Variants in NAALADL2 observed in about 807,000 individuals in gnomAD.
NAALADL2 encodes the protein inactive N-acetylated-alpha-linked acidic dipeptidase-like protein 2.
NAALADL2 carries 76 observed loss-of-function variants against 87.2 expected under a neutral mutation model. The observed-to-expected ratio is 0.87, with a 90% CI of 0.72 to 1.05. The LOEUF (loss-of-function observed/expected upper bound fraction) is 1.05. NAALADL2 is among the 50% of genes least tolerant of loss of function. The probability of loss-of-function intolerance (pLI) is 0.00; values close to 1 mark genes in which losing one functional copy is unlikely to be tolerated. For missense variants in NAALADL2, 1,089 were observed against 945.8 expected (o/e 1.15, Z -1.99); for synonymous variants, 354 against 331.0 (o/e 1.07, Z -0.75).
At chr3:175,529,978 C>T (rs1386230987) in intron 9 of NAALADL2, among the ~76,000 whole-genome samples, 1 of 152,154 alleles carries the variant, frequency 6.6e-6, no homozygotes, top group Non-Finnish European at 1.5e-5. Context: ...GGTGCCATAT[C>T]GAGGGCTCAG....
At chr3:174,816,310 T>C (rs542864739) in intron 3 of NAALADL2, among the ~76,000 whole-genome samples, 423 of 151,470 alleles carry the variant, frequency 2.8e-3, no homozygotes, top group Non-Finnish European at 4.9e-3. Context: ...AGTCTCTCTT[T>C]CTATGTATAA....
intron 9 of NAALADL2, among the ~76,000 whole-genome samples, chr3:175,548,424 A>G (rs915928409): frequency 1.1e-4 from 16 of 152,040 alleles, no homozygotes; most frequent in African/African-American, 3.9e-4. Flanking sequence ...TGGAGGAGGA[A>G]GAGGATCAGG....
intron 3 of NAALADL2, among the ~76,000 whole-genome samples, chr3:174,781,295 C>G (rs983352795): frequency 1.3e-5 from 2 of 151,752 alleles, no homozygotes; most frequent in African/African-American, 4.8e-5. Flanking sequence ...TTGTGGTGTT[C>G]TCTGTATTTC....
At chr3:175,355,082 T>A in intron 5 of NAALADL2, among the ~76,000 whole-genome samples, 1 of 150,960 alleles carries the variant, frequency 6.6e-6, no homozygotes, top group Non-Finnish European at 1.5e-5. Context: ...TTTCTTTTTT[T>A]CTTTGAGGCA....
At chr3:174,809,180 C>A (rs959939963) in intron 3 of NAALADL2, among the ~76,000 whole-genome samples, 1 of 151,862 alleles carries the variant, frequency 6.6e-6, no homozygotes, top group African/African-American at 2.4e-5. Flanking sequence ...AGGTAGAAAA[C>A]CAAAATAGGC....
At chr3:174,800,631 T>G (rs976364823) in intron 3 of NAALADL2, among the ~76,000 whole-genome samples, 1 of 152,244 alleles carries the variant, frequency 6.6e-6, no homozygotes, top group East Asian at 1.9e-4. Context: ...CTAGTAGAGC[T>G]GTGAGAAGAG....
intron 1 of NAALADL2, among the ~76,000 whole-genome samples, chr3:175,042,276 T>TAA (rs1291870807): frequency 2.0e-5 from 3 of 152,176 alleles, no homozygotes; most frequent in Non-Finnish European, 4.4e-5. Context: ...CCAAATAATT[T>TAA]ACTATATATA....
chr3:174,454,766 T>G (rs1715712802), intron 1 of NAALADL2, among the ~76,000 whole-genome samples: 1 of 151,982 alleles, frequency 6.6e-6, no homozygotes, highest in Non-Finnish European at 1.5e-5. Context: ...TATTAAACAC[T>G]CACATTAAAA....
At chr3:175,770,673 C>T (rs1749372155) in intron 13 of NAALADL2, among the ~76,000 whole-genome samples, 1 of 152,108 alleles carries the variant, frequency 6.6e-6, no homozygotes, top group African/African-American at 2.4e-5. Context: ...TTTTTTATTG[C>T]TAATCATAGT....
intron 4 of NAALADL2, among the ~76,000 whole-genome samples, chr3:175,274,232 A>G (rs1006356736): frequency 2.0e-5 from 3 of 152,172 alleles, no homozygotes; most frequent in African/African-American, 4.8e-5. Context: ...TAGAACAGTC[A>G]GATCTCATGA....
chr3:175,646,886 C>T lies in NAALADL2; in HGVS notation c.1896+19500C>T, dbSNP rs59874850. Among the ~76,000 whole-genome samples, 345 of 152,124 alleles carry T rather than the reference C, an allele frequency of 2.3e-3. 2 individuals carry two copies. Among genetic ancestry groups the T allele is most frequent in the African/African-American group, 7.6e-3 (317 of 41,518 alleles). On this transcript the variant is annotated intron_variant, in intron 11 of 13. Coordinates refer to ENST00000454872, the MANE Select transcript of NAALADL2 (RefSeq NM_207015.3). The stretch of plus-strand genomic sequence containing the variant: ...GTGTTAAATTCCCCATTATAATAGT[C>T]AGGAAAGAGTAGATAATGCTGCAGT...
chr3:174,740,677 G>A (rs963893940), intron 3 of NAALADL2, among the ~76,000 whole-genome samples: 3 of 151,692 alleles, frequency 2.0e-5, no homozygotes, highest in Non-Finnish European at 4.4e-5. Flanking sequence ...GAATAATAAC[G>A]GTAAAAATTT....
chr3:175,199,831 TATATATATATATATATATATATATATA>T (rs1739559817), intron 2 of NAALADL2, among the ~76,000 whole-genome samples: 1 of 9,926 alleles, frequency 1.0e-4, no homozygotes, highest in Non-Finnish European at 2.0e-4. Flanking sequence ...TATATATATA[TATATATATATATATATATATATATATA>T]TATATATTTT....
intron 11 of NAALADL2, among the ~76,000 whole-genome samples, chr3:175,722,059 A>G (rs925360203): frequency 3.3e-5 from 5 of 152,010 alleles, no homozygotes; most frequent in African/African-American, 1.2e-4. Flanking sequence ...TATTTCTCGC[A>G]TTTTGTTGTC....
intron 10 of NAALADL2, among the ~76,000 whole-genome samples, chr3:175,627,055 A>T (rs898416382): frequency 3.3e-5 from 5 of 151,952 alleles, no homozygotes; most frequent in African/African-American, 7.2e-5. Flanking sequence ...AATTAATTAA[A>T]TATTAATCTA....
chr3:175,390,621 G>T (rs142156452), intron 5 of NAALADL2, among the ~76,000 whole-genome samples: 1 of 152,228 alleles, frequency 6.6e-6, no homozygotes, highest in East Asian at 1.9e-4. Context: ...AGGGTTTTTT[G>T]TTGTTGTGGT....
rs183624714 is a variant in NAALADL2, at chr3:174,869,195, G to C, written c.43+9745G>C. Among the ~76,000 whole-genome samples, 6 of 152,100 alleles carry C rather than the reference G, an allele frequency of 3.9e-5. No individual in the cohort carries two copies. The South Asian group carries it at 8.3e-4, about 21-fold the overall frequency. ...ATACAACTGGAGAATCACTGGGAAT[G>C]AGGTGAAAAAAGATGAAATTATAGA... On this transcript the variant is annotated intron_variant, in intron 1 of 13. Transcript: ENST00000454872.
chr3:175,571,614 G>A (rs994300300), intron 9 of NAALADL2, among the ~76,000 whole-genome samples: 1 of 152,098 alleles, frequency 6.6e-6, no homozygotes, highest in African/African-American at 2.4e-5. Flanking sequence ...CCACTGAAGT[G>A]CTGTGAGGAA....
chr3:175,062,819 C>T (rs1024818196), intron 1 of NAALADL2, among the ~76,000 whole-genome samples: 3 of 152,094 alleles, frequency 2.0e-5, no homozygotes, highest in Admixed American at 2.0e-4. Flanking sequence ...ATTTAGCAAG[C>T]ACTCACAGAC....
Sources: allele counts gnomAD v4.1 joint callset (sites outside exome capture counted in the v4.1 genomes callset), GRCh38; gene constraint gnomAD v4.1.1; transcripts MANE v1.5; gene names NCBI Gene and HGNC (gene_info 2026-07-23, HGNC 2026-07-21).